MAMDC4: variants seen among roughly 807,000 people sequenced by gnomAD.
The protein encoded by MAMDC4 is MAM domain containing 4, also known as apical endosomal glycoprotein.
A neutral mutation model predicts 153.3 loss-of-function variants in MAMDC4; 168 were observed. The ratio of observed to expected loss-of-function variants is 1.10; its 90% confidence interval spans 0.97 to 1.25. The LOEUF (loss-of-function observed/expected upper bound fraction) is 1.25, where lower values mean the gene tolerates loss of function less well. MAMDC4 is among the 50% of genes most tolerant of loss of function. The pLI is 0.00. For synonymous variants in MAMDC4, 744 were observed against 651.5 expected (o/e 1.14, Z -2.16); for missense variants, 1,701 against 1,542.8 (o/e 1.10, Z -1.72).
Position 136,857,029 on chromosome 9 carries a change from G to A in MAMDC4, c.1960G>A (p.Gly654Arg), listed in dbSNP as rs755010975. The change falls in exon 16 of 27, where the codon GGG becomes AGG. Residue 654 changes from glycine (G) to arginine (R), a missense_variant. Transcript: ENST00000317446. ...ECLSFWYHLH[G>R]PQIGTLRLAM... is the part of the protein sequence containing the mutation. ...TCTCAGCTTCTGGTACCACCTCCATGGGCCCCAGATTGGTGAGTGGACCTG... is the reference window on the plus strand; with the variant it reads ...TCTCAGCTTCTGGTACCACCTCCATAGGCCCCAGATTGGTGAGTGGACCTG... 11 of 1,611,400 alleles carry A rather than the reference G, an allele frequency of 6.8e-6. No homozygotes were observed. The Admixed American group carries it at 1.7e-4, about 24-fold the overall frequency.
rs368772199 is a variant in MAMDC4 at position 136,854,586 on chromosome 9, C to G, written c.844C>G (p.Arg282Gly). 6.2e-7 allele frequency: 1 copy of G among 1,607,580 alleles called. No individual in the cohort carries two copies. ...TGAGACAGGCCTGGGCCCATGGAAC[C>G]GCTCGGAAGGCTGGTCCCGGAACCA... ...DFETGLGPWN[R>G]SEGWSRNHRA... The change falls in exon 8 of 27, where the codon CGC becomes GGC. Residue 282 changes from arginine (R) to glycine (G), a missense_variant. Transcript: ENST00000317446.
chr9:136,856,195 C>T (rs1323510496), intron 14 of MAMDC4, 46 bp downstream of exon 14: 1 of 1,611,790 alleles, frequency 6.2e-7, no homozygotes, highest in African/African-American at 1.3e-5. Context: ...CTGGGTGCTC[C>T]CTGCACAGTG....
rs1011361481 is a variant in MAMDC4 at position 136,857,804 on chromosome 9, G to A, written c.2464+8G>A. On this transcript the variant is annotated splice_region_variant and intron_variant, in intron 19 of 26. Transcript: ENST00000317446. The stretch of plus-strand genomic sequence containing the variant: ...GGAGCCTCCGCAGCCCAGGTGAGGG[G>A]CTTTGGGAGGGGGCCCCAGTGGGCT... 1.9e-6 allele frequency: 3 copies of A among 1,611,112 alleles called. No individual in the cohort carries two copies. The highest frequency in any genetic ancestry group is 1.3e-5 in the African/African-American group (1 of 75,044).
intron 6 of MAMDC4, 66 bp downstream of exon 6, chr9:136,854,142 A>G: frequency 6.2e-7 from 1 of 1,610,388 alleles, no homozygotes; most frequent in Non-Finnish European, 8.5e-7. Flanking sequence ...CCCTGCTCAG[A>G]CCCTGTCTGC....
chr9:136,853,009 A>C, intron 1 of MAMDC4, 93 bp from the exon 2 acceptor site: 2 of 1,062,748 alleles, frequency 1.9e-6, no homozygotes, highest in Admixed American at 2.2e-5. Context: ...CCCCGGACAA[A>C]AGATGTCCAG....
At position 136,858,873 on chromosome 9, in the gene MAMDC4, T is replaced by C. The variant is rs776670059; in HGVS notation, c.2956+20T>C. ...ACTTCTGTGAGTCCGGCTGGGCCAA[T>C]GGGTGCCTGGGCAACGGGGGCAGCA... On this transcript the variant is annotated intron_variant, in intron 23 of 26. Transcript: ENST00000317446. The C allele has an allele frequency of 4.5e-5, 72 of 1,596,350 alleles. No homozygotes were observed. The highest frequency in any genetic ancestry group is 6.1e-5 in the Non-Finnish European group (72 of 1,171,498).
chr9:136,855,079 G>C lies in MAMDC4; in HGVS notation c.1166G>C (p.Arg389Pro). The C allele has an allele frequency of 1.9e-6, 3 of 1,593,452 alleles. No individual in the cohort carries two copies. Among genetic ancestry groups the C allele is most frequent in the Non-Finnish European group, 2.6e-6 (3 of 1,170,720 alleles). Residue 389 changes from arginine (R) to proline (P), a missense_variant, in exon 10 of 27, where the codon CGT (arginine) becomes CCT (proline). Physicochemically the swap from Arg to Pro is moderately radical, Grantham distance 103. Transcript: ENST00000317446. The part of the protein sequence containing the change: ...GELGTAWVRD[R>P]VDIQSAYPFQ... ...CTGGGGACCGCCTGGGTCCGAGACCGTGTTGACATCCAGAGCGCCTACCCC... is the reference window on the plus strand; with the variant it reads ...CTGGGGACCGCCTGGGTCCGAGACCCTGTTGACATCCAGAGCGCCTACCCC...
chr9:136,856,769 A>G lies in MAMDC4; in HGVS notation c.1780A>G (p.Thr594Ala), dbSNP rs748375929. The G allele has an allele frequency of 1.2e-5, 19 of 1,612,124 alleles. No homozygotes were observed. The highest frequency in any genetic ancestry group is 1.7e-5 in the Admixed American group (1 of 59,896). Residue 594 changes from threonine (T) to alanine (A), a missense_variant, in exon 15 of 27, where the codon ACA becomes GCA. By Grantham distance (58) the Thr-to-Ala change is moderately conservative (BLOSUM62 0). Coordinates refer to ENST00000317446, the MANE Select transcript of MAMDC4 (RefSeq NM_206920.3). ...CSWYPGHLSD[T>A]HWRWVESRGP... ...CTGGTACCCAGGCCACCTCTCAGACACACACTGGCGCTGGGTGGAGAGCCG... is the reference window on the plus strand; with the variant it reads ...CTGGTACCCAGGCCACCTCTCAGACGCACACTGGCGCTGGGTGGAGAGCCG...
In MAMDC4 at chr9:136,858,256, A is replaced by G; in HGVS notation, c.2654A>G (p.Asp885Gly). Residue 885 changes from aspartate (D) to glycine (G), a missense_variant, in exon 21 of 27, where the codon GAC becomes GGC. Physicochemically the swap from Asp to Gly is moderately conservative, Grantham distance 94. Coordinates refer to ENST00000317446, the MANE Select transcript of MAMDC4 (RefSeq NM_206920.3). The stretch of plus-strand genomic sequence containing the variant: ...GCTCTGGATGATCTGCTCCTCCAGG[A>G]CGGGCCCTGCCCTCAGCCAGGTGGG... ...YVALDDLLLQ[D>G]GPCPQPGSCD... 1 of 1,601,760 alleles carries G rather than the reference A, an allele frequency of 6.2e-7. No homozygotes were observed. The highest frequency in any genetic ancestry group is 8.5e-7 in the Non-Finnish European group (1 of 1,178,924).
intron 25 of MAMDC4, 155 bp downstream of exon 25, chr9:136,859,472 C>A: frequency 1.4e-6 from 1 of 720,010 alleles, no homozygotes; most frequent in South Asian, 1.9e-5. Flanking sequence ...CCTGTGCCCT[C>A]CTCACTCTGC....
At chr9:136,859,818 C>T (rs986909208) in intron 25 of MAMDC4, 68 bp from the exon 26 acceptor site, 8 of 1,557,342 alleles carry the variant, frequency 5.1e-6, no homozygotes, top group Non-Finnish European at 7.0e-6. Context: ...CATGCAGCCC[C>T]AGGCTTCCTC....
In MAMDC4 at chr9:136,858,277, G is replaced by T. The variant is rs1332655270; in HGVS notation, c.2674+1G>T. The T allele has an allele frequency of 1.3e-5, 21 of 1,601,780 alleles. No homozygotes were observed. Among genetic ancestry groups the T allele is most frequent in the East Asian group, 2.2e-5 (1 of 44,816 alleles). On this transcript the variant is annotated splice_donor_variant, in intron 21 of 26. Coordinates refer to ENST00000317446, the MANE Select transcript of MAMDC4 (RefSeq NM_206920.3). LOFTEE classifies it high-confidence loss of function. ...CAGGACGGGCCCTGCCCTCAGCCAG[G>T]TGGGAGCCCTGCCGTGGCCTCGGCC...
At chr9:136,858,875 G>T (rs762998036) in intron 23 of MAMDC4, 22 bp downstream of exon 23, 10 of 1,596,646 alleles carry the variant, frequency 6.3e-6, no homozygotes, top group Non-Finnish European at 8.5e-6. Flanking sequence ...TGGGCCAATG[G>T]GTGCCTGGGC....
intron 25 of MAMDC4, 113 bp from the exon 26 acceptor site, chr9:136,859,773 G>A: frequency 1.8e-6 from 2 of 1,122,336 alleles, no homozygotes; most frequent in Non-Finnish European, 2.6e-6. Flanking sequence ...TTTGAAATAG[G>A]GGTGAACCCC....
rs745499595 is a variant in MAMDC4, at chr9:136,854,536, T to C, written c.797-3T>C. The stretch of plus-strand genomic sequence containing the variant: ...GCCCTGACACGCCCACCTCCTGCCC[T>C]AGGCCGCCACATAGCCACCGACTTT... On this transcript the variant is annotated splice_region_variant and splice_polypyrimidine_tract_variant and intron_variant, in intron 7 of 26. Coordinates refer to ENST00000317446, the MANE Select transcript of MAMDC4 (RefSeq NM_206920.3). 6 of 1,602,884 alleles carry C rather than the reference T, an allele frequency of 3.7e-6. No individual in the cohort carries two copies. The highest frequency in any genetic ancestry group is 4.3e-6 in the Non-Finnish European group (5 of 1,176,022).
chr9:136,858,567 G>T, intron 22 of MAMDC4, 21 bp downstream of exon 22: 1 of 1,563,714 alleles, frequency 6.4e-7, no homozygotes, highest in Non-Finnish European at 8.7e-7. Flanking sequence ...ACTGGAGCCA[G>T]GTGGGGAGGC....
rs370858940 is a variant in MAMDC4, at chr9:136,855,266, G to C, written c.1210G>C (p.Gly404Arg). The part of the protein sequence containing the change: ...SAYPFQILLA[G>R]QTGPGGVVGL... ...CCTCTGCCCTCAGATCCTCCTGGCC[G>C]GGCAGACAGGCCCGGGGGGCGTCGT... Residue 404 changes from glycine (G) to arginine (R), a missense_variant, in exon 11 of 27, where the codon GGG (glycine) becomes CGG (arginine). By Grantham distance (125) the Gly-to-Arg change is moderately radical (BLOSUM62 -2). Transcript: ENST00000317446. 1 of 1,597,514 alleles carries C rather than the reference G, an allele frequency of 6.3e-7. No homozygotes were observed.
At position 136,857,007 on chromosome 9, in the gene MAMDC4, C is replaced by T; in HGVS notation, c.1938C>T (p.Leu646=). ...PQVPAAPTEC[L]SFWYHLHGPQ... is the part of the protein sequence containing the mutation. Reference sequence around the variant, plus strand: ...TGCCAGCAGCACCCACGGAGTGTCTCAGCTTCTGGTACCACCTCCATGGGC... The same window carrying T: ...TGCCAGCAGCACCCACGGAGTGTCTTAGCTTCTGGTACCACCTCCATGGGC... Residue 646 remains leucine, a synonymous_variant, in exon 16 of 27, where the codon CTC becomes CTT. Transcript: ENST00000317446. The T allele has an allele frequency of 6.2e-7, 1 of 1,612,434 alleles. No homozygotes were observed. Among genetic ancestry groups the T allele is most frequent in the Non-Finnish European group, 8.5e-7 (1 of 1,179,750 alleles).
Position 136,855,559 on chromosome 9 carries a change from C to T in MAMDC4, c.1411C>T (p.Pro471Ser). The T allele has an allele frequency of 6.3e-7, 1 of 1,591,890 alleles. No individual in the cohort carries two copies. Among genetic ancestry groups the T allele is most frequent in the Non-Finnish European group, 8.6e-7 (1 of 1,169,520 alleles). Residue 471 changes from proline to serine, a missense_variant, in exon 12 of 27, where the codon CCG becomes TCG. Coordinates refer to ENST00000317446, the MANE Select transcript of MAMDC4 (RefSeq NM_206920.3). ...HLACGDLCVPPEQLCDFEEQC... is the reference protein window; with the variant it reads ...HLACGDLCVPSEQLCDFEEQC... ...TGCCTGCGGGGACCTGTGTGTGCCC[C>T]CGGAACAACTGTGTGACTTCGAGGA...
Sources: gnomAD v4.1 joint callset for allele counts on GRCh38, gnomAD v4.1.1 for gene constraint, MANE v1.5 for transcripts, NCBI Gene and HGNC (gene_info 2026-07-23, HGNC 2026-07-21) for gene names.